DLG2: variants seen among roughly 807,000 people sequenced by gnomAD.
The protein encoded by DLG2 is disks large homolog 2.
In DLG2, 45 loss-of-function variants were observed where a neutral mutation model predicts 132.5. The observed-to-expected ratio is 0.34, with a 90% CI of 0.27 to 0.44. The LOEUF (loss-of-function observed/expected upper bound fraction) is 0.44, where lower values mean the gene tolerates loss of function less well. Ranked by LOEUF, DLG2 falls within the 20% of genes least tolerant of loss-of-function variation. DLG2 has a pLI of 1.00. For synonymous variants in DLG2, 424 were observed against 419.6 expected (o/e 1.01, Z -0.13); for missense variants, 1,045 against 1,196.9 (o/e 0.87, Z 1.87).
At chr11:84,015,623 G>A (rs543544379) in intron 11 of DLG2, among the ~76,000 whole-genome samples, 4 of 152,128 alleles carry the variant, frequency 2.6e-5, no homozygotes, top group Admixed American at 2.6e-4. Context: ...GTTATAAGTG[G>A]GAACGGGTGG....
At chr11:84,861,323 A>T (rs2083592643) in intron 6 of DLG2, among the ~76,000 whole-genome samples, 1 of 152,082 alleles carries the variant, frequency 6.6e-6, no homozygotes, top group Non-Finnish European at 1.5e-5. Context: ...GTAGGTTTAT[A>T]GTTGCTAGAC....
chr11:85,332,982 T>C (rs575667220), intron 3 of DLG2, among the ~76,000 whole-genome samples: 11 of 152,352 alleles, frequency 7.2e-5, no homozygotes, highest in Admixed American at 5.2e-4. Flanking sequence ...TCTAATTCTT[T>C]GAAAAATGTC....
intron 3 of DLG2, among the ~76,000 whole-genome samples, chr11:85,357,704 T>TTATATATA (rs58283704): frequency 1.2e-4 from 13 of 106,266 alleles, no homozygotes; most frequent in Non-Finnish European, 1.9e-4. Context: ...CTGTTCTGAA[T>TTATATATA]TATATATATA....
chr11:84,581,282 C>T (rs930521656), intron 6 of DLG2, among the ~76,000 whole-genome samples: 1 of 152,134 alleles, frequency 6.6e-6, no homozygotes, highest in Non-Finnish European at 1.5e-5. Context: ...CTAGTGGAGT[C>T]GGTTTTTCTG....
intron 7 of DLG2, among the ~76,000 whole-genome samples, chr11:84,439,326 A>G (rs2099010465): frequency 6.6e-6 from 1 of 152,162 alleles, no homozygotes; most frequent in Non-Finnish European, 1.5e-5. Context: ...TGGGTCTTCA[A>G]ATGATATTGA....
intron 14 of DLG2, among the ~76,000 whole-genome samples, chr11:83,936,107 A>G (rs73508281): frequency 0.021 from 3,124 of 152,318 alleles, 98 homozygotes; most frequent in African/African-American, 0.071. Context: ...GAGAATTCCT[A>G]CAAATAATAT....
chr11:85,540,770 C>A (rs1440311973), intron 3 of DLG2, among the ~76,000 whole-genome samples: 2 of 152,358 alleles, frequency 1.3e-5, no homozygotes, highest in East Asian at 1.9e-4. Flanking sequence ...ACCTTAGACG[C>A]TGCTGTGGGG....
intron 18 of DLG2, among the ~76,000 whole-genome samples, chr11:83,753,866 CATATATATGATATATATCATATATATCAT>C (rs2093511876): frequency 6.9e-5 from 2 of 29,072 alleles, no homozygotes; most frequent in Admixed American, 3.3e-4. Flanking sequence ...ATATATATTT[CATATATATGATATATATCATATATATCAT>C]ATATATATTT....
At chr11:84,667,986 T>G (rs2099701671) in intron 6 of DLG2, among the ~76,000 whole-genome samples, 1 of 152,130 alleles carries the variant, frequency 6.6e-6, no homozygotes, top group African/African-American at 2.4e-5. Flanking sequence ...AAAGGCAGAC[T>G]AGAAATAATA....
At chr11:83,544,969 C>T (rs542129765) in intron 19 of DLG2, among the ~76,000 whole-genome samples, 1 of 152,288 alleles carries the variant, frequency 6.6e-6, no homozygotes, top group African/African-American at 2.4e-5. Context: ...ACAACTGCTT[C>T]TTCCCTAAAT....
At chr11:85,337,114 C>G (rs899147897) in intron 3 of DLG2, among the ~76,000 whole-genome samples, 1 of 152,204 alleles carries the variant, frequency 6.6e-6, no homozygotes, top group African/African-American at 2.4e-5. Flanking sequence ...TTCCGAAAGG[C>G]TAGGACACTT....
intron 6 of DLG2, among the ~76,000 whole-genome samples, chr11:84,949,275 C>G: frequency 6.6e-6 from 1 of 152,064 alleles, no homozygotes; most frequent in Non-Finnish European, 1.5e-5. Context: ...AAGTACTTAA[C>G]AGGGTAATAG....
At position 84,047,649 on chromosome 11, in the gene DLG2, T is replaced by C. The variant is rs545004362; in HGVS notation, c.919+11666A>G. 2.4e-4 allele frequency among the ~76,000 whole-genome samples: 36 copies of C among 151,734 alleles called. 1 individual carries two copies. In the South Asian group the frequency reaches 7.5e-3, roughly 31 times the overall value. On this transcript the variant is annotated intron_variant, in intron 11 of 27. Transcript: ENST00000376104. Reference sequence around the variant, plus strand: ...ACAGTGCAATTATTTAAATCTGAAATTTTCATTGTAAAAATAATTTTGACT... The same window carrying C: ...ACAGTGCAATTATTTAAATCTGAAACTTTCATTGTAAAAATAATTTTGACT...
At chr11:85,603,497 A>G (rs2080306688) in intron 2 of DLG2, among the ~76,000 whole-genome samples, 1 of 151,104 alleles carries the variant, frequency 6.6e-6, no homozygotes, top group Non-Finnish European at 1.5e-5. Context: ...CGGGAAACCT[A>G]CAAGTGCTGA....
At chr11:83,553,608 C>T (rs556332959) in intron 19 of DLG2, among the ~76,000 whole-genome samples, 6 of 151,828 alleles carry the variant, frequency 4.0e-5, no homozygotes, top group Non-Finnish European at 5.9e-5. Context: ...TTCTTGTACA[C>T]ATTTTTGCAA....
At chr11:84,243,681 A>G (rs1399617) in intron 8 of DLG2, among the ~76,000 whole-genome samples, 104,508 of 152,068 alleles carry the variant, frequency 0.69, 36,629 homozygotes, top group Middle Eastern at 0.78. Context: ...CTGTTAGTCC[A>G]TGGGTCACAC....
chr11:83,936,393 C>T (rs528119582), intron 14 of DLG2, among the ~76,000 whole-genome samples: 1 of 152,298 alleles, frequency 6.6e-6, no homozygotes, highest in African/African-American at 2.4e-5. Context: ...AACTCTAACG[C>T]CCGATTTGTA....
intron 6 of DLG2, among the ~76,000 whole-genome samples, chr11:84,567,347 A>G (rs2099460967): frequency 6.6e-6 from 1 of 152,192 alleles, no homozygotes. Context: ...CTACTGGATG[A>G]CGAATCAATT....
In DLG2 at chr11:84,614,373, GA is replaced by G. The variant is rs572532481; in HGVS notation, c.358-79643del. Among the ~76,000 whole-genome samples, 12 of 152,268 alleles carry G rather than the reference GA, an allele frequency of 7.9e-5. No homozygotes were observed. In the East Asian group the frequency reaches 2.3e-3, roughly 29 times the overall value. On this transcript the variant is annotated intron_variant, in intron 6 of 27. Transcript: ENST00000376104. Reference sequence around the variant, plus strand: ...AACAGAAGAAACCGTGTGGGCAAAAGAAGACATGTAAAAGCCTGACACACTT... The same window carrying G: ...AACAGAAGAAACCGTGTGGGCAAAAGAGACATGTAAAAGCCTGACACACTT...
Sources: allele counts gnomAD v4.1 joint callset (sites outside exome capture counted in the v4.1 genomes callset), GRCh38; gene constraint gnomAD v4.1.1; transcripts MANE v1.5; gene names NCBI Gene and HGNC (gene_info 2026-07-23, HGNC 2026-07-21).